Variants in NAV3 observed in about 807,000 individuals in gnomAD.
The protein encoded by NAV3 is pore membrane and/or filament interacting like protein 1.
In NAV3, 87 loss-of-function variants were observed where a neutral mutation model predicts 244.7. The ratio of observed to expected loss-of-function variants is 0.36; its 90% CI spans 0.30 to 0.42. NAV3 has a LOEUF of 0.42. Ranked by LOEUF, NAV3 falls within the 20% of genes least tolerant of loss-of-function variation. The pLI, the probability that NAV3 is intolerant of heterozygous loss-of-function variation, is 1.00. For synonymous variants in NAV3, 1,126 were observed against 1,042.2 expected (o/e 1.08, Z -1.55); for missense variants, 2,663 against 2,893.3 (o/e 0.92, Z 1.83).
chr12:77,814,449 G>C (rs1872445177), intron 2 of NAV3, among the ~76,000 whole-genome samples: 1 of 152,148 alleles, frequency 6.6e-6, no homozygotes, highest in Non-Finnish European at 1.5e-5. Context: ...AAGCCATGGA[G>C]ATCTTTATTT....
intron 1 of NAV3, among the ~76,000 whole-genome samples, chr12:77,899,146 G>T (rs1269759379): frequency 6.6e-6 from 1 of 152,200 alleles, no homozygotes; most frequent in Non-Finnish European, 1.5e-5. Context: ...TCTTGAGATA[G>T]AATCTACTTT....
At chr12:77,761,907 C>T (rs932704642) in intron 2 of NAV3, among the ~76,000 whole-genome samples, 2 of 152,150 alleles carry the variant, frequency 1.3e-5, no homozygotes, top group African/African-American at 4.8e-5. Context: ...TACCATTTGA[C>T]CCAGCCATCC....
intron 2 of NAV3, among the ~76,000 whole-genome samples, chr12:77,825,596 G>A (rs1490807335): frequency 2.0e-5 from 3 of 152,026 alleles, no homozygotes; most frequent in Non-Finnish European, 2.9e-5. Flanking sequence ...ACTTTATAAA[G>A]ATACAGATAA....
In NAV3 at chr12:78,117,057, C is replaced by T. The variant is rs138494650; in HGVS notation, c.2769+153C>T. On this transcript the variant is annotated intron_variant, in intron 13 of 39. Coordinates refer to ENST00000397909, the MANE Select transcript of NAV3 (RefSeq NM_001024383.2). ...ATAATAAGGACTCCCTTTGCCACTC[C>T]TGAACCCTGAAGCATCTTTCATCTT... Among the ~76,000 whole-genome samples the T allele has an allele frequency of 3.4e-4, 51 of 149,686 alleles. No homozygotes were observed. The East Asian group carries it at 9.3e-3, about 27-fold the overall frequency.
chr12:78,176,743 T>G (rs1052944961), intron 26 of NAV3, among the ~76,000 whole-genome samples: 5 of 152,108 alleles, frequency 3.3e-5, no homozygotes, highest in African/African-American at 1.2e-4. Flanking sequence ...TTTGATTTCA[T>G]TTTGCTTTTT....
chr12:78,117,922 G>A, intron 13 of NAV3, 105 bp from the exon 14 acceptor site: 1 of 1,104,740 alleles, frequency 9.1e-7, no homozygotes, highest in Non-Finnish European at 1.2e-6. Flanking sequence ...AATCAAAATA[G>A]AATCTTTGGA....
At chr12:77,932,464 G>GT (rs1380938417) in intron 1 of NAV3, among the ~76,000 whole-genome samples, 1 of 152,058 alleles carries the variant, frequency 6.6e-6, no homozygotes, top group African/African-American at 2.4e-5. Context: ...TGCTACATGT[G>GT]TATCATTCTT....
rs1884681842 is a variant in NAV3, at chr12:77,896,847, C to T, written c.244-43472C>T. On this transcript the variant is annotated intron_variant, in intron 1 of 39. Transcript: ENST00000397909. ...TTTGATGTGAAACCCTTGCTTTTTC[C>T]ATGTAGACTTTAAACTGTCTGGGCC... 2.6e-5 allele frequency among the ~76,000 whole-genome samples: 4 copies of T among 152,090 alleles called. No individual in the cohort carries two copies. In the South Asian group the frequency reaches 8.3e-4, roughly 32 times the overall value.
Position 78,007,008 on chromosome 12 carries a change from G to A in NAV3, c.1470G>A (p.Gln490=). 6.2e-7 allele frequency: 1 copy of A among 1,614,122 alleles called. No homozygotes were observed. Among genetic ancestry groups the A allele is most frequent in the Non-Finnish European group, 8.5e-7 (1 of 1,180,020 alleles). ...AACCAGTCAAAGAAGAGAAGGATCA[G>A]GTGACAGAGATGGCTCCAAAAAAGA... ...TEKPVKEEKD[Q]VTEMAPKKTS... Residue 490 remains glutamine, a synonymous_variant, in exon 8 of 40, where the codon CAG becomes CAA. Coordinates refer to ENST00000397909, the MANE Select transcript of NAV3 (RefSeq NM_001024383.2).
chr12:77,795,043 G>T (rs777842215), intron 2 of NAV3, among the ~76,000 whole-genome samples: 4 of 152,150 alleles, frequency 2.6e-5, no homozygotes, highest in African/African-American at 4.8e-5. Context: ...GAAATCAAAA[G>T]CTGGAAAAGA....
chr12:77,817,782 T>A (rs1265219713), intron 2 of NAV3, among the ~76,000 whole-genome samples: 1 of 152,204 alleles, frequency 6.6e-6, no homozygotes, highest in East Asian at 1.9e-4. Context: ...AGATGCAAGC[T>A]GTTGGGGAAA....
chr12:77,973,946 A>AT lies in NAV3; in HGVS notation c.671+5251dup, dbSNP rs780245613. 1.5e-4 allele frequency among the ~76,000 whole-genome samples: 23 copies of AT among 149,620 alleles called. 1 individual carries two copies. The South Asian group carries it at 1.7e-3, about 11-fold the overall frequency. On this transcript the variant is annotated intron_variant, in intron 5 of 39. Coordinates refer to ENST00000397909, the MANE Select transcript of NAV3 (RefSeq NM_001024383.2). ...TTATAAAATCATTACTTAAAGCAGG[A>AT]TTTTTTTATCTCTAGAGAGAAATAA...
chr12:77,916,247 A>T (rs1427538974), intron 1 of NAV3, among the ~76,000 whole-genome samples: 2 of 152,054 alleles, frequency 1.3e-5, no homozygotes, highest in Admixed American at 6.6e-5. Flanking sequence ...AAACAAAAGG[A>T]ACTATTTATT....
intron 1 of NAV3, among the ~76,000 whole-genome samples, chr12:77,867,709 C>T (rs866840814): frequency 6.6e-6 from 1 of 152,132 alleles, no homozygotes; most frequent in Admixed American, 6.6e-5. Flanking sequence ...CGTGAACCAC[C>T]GCACCTGGCC....
intron 1 of NAV3, among the ~76,000 whole-genome samples, chr12:77,874,391 T>A (rs1006013588): frequency 5.9e-5 from 9 of 151,978 alleles, no homozygotes; most frequent in African/African-American, 2.2e-4. Context: ...GCTAATTTTT[T>A]TTAAATTTTT....
At chr12:78,110,711 C>A (rs1373696368) in intron 12 of NAV3, among the ~76,000 whole-genome samples, 1 of 144,690 alleles carries the variant, frequency 6.9e-6, no homozygotes, top group Non-Finnish European at 1.5e-5. Flanking sequence ...TGTGTGTATA[C>A]ACACATACAT....
intron 1 of NAV3, among the ~76,000 whole-genome samples, chr12:77,848,181 G>A (rs555708578): frequency 6.6e-6 from 1 of 152,334 alleles, no homozygotes; most frequent in African/African-American, 2.4e-5. Flanking sequence ...GTGCTGCAAA[G>A]ATGTGATTTA....
Position 78,199,318 on chromosome 12 carries a change from T to A in NAV3, c.6519-17T>A, listed in dbSNP as rs2140009201. The A allele has an allele frequency of 1.3e-6, 2 of 1,561,126 alleles. No individual in the cohort carries two copies. The highest frequency in any genetic ancestry group is 1.7e-6 in the Non-Finnish European group (2 of 1,154,898). On this transcript the variant is annotated splice_polypyrimidine_tract_variant and intron_variant, in intron 36 of 39. Coordinates refer to ENST00000397909, the MANE Select transcript of NAV3 (RefSeq NM_001024383.2). ...TTTAATTTATATAAAAATGTCTGATTTTTTTTCTTTTTGTAGGTGGGTATT... is the reference window on the plus strand; with the variant it reads ...TTTAATTTATATAAAAATGTCTGATATTTTTTCTTTTTGTAGGTGGGTATT...
intron 2 of NAV3, among the ~76,000 whole-genome samples, chr12:77,679,552 A>G (rs1200775440): frequency 2.6e-5 from 4 of 152,124 alleles, no homozygotes; most frequent in Non-Finnish European, 5.9e-5. Context: ...AGTTAAAAAA[A>G]AAAATCAATG....
Sources: allele counts gnomAD v4.1 joint callset (sites outside exome capture counted in the v4.1 genomes callset), GRCh38; gene constraint gnomAD v4.1.1; transcripts MANE v1.5; gene names NCBI Gene and HGNC (gene_info 2026-07-23, HGNC 2026-07-21).